KIAA0825: variants seen among roughly 807,000 people sequenced by gnomAD.
KIAA0825 encodes KIAA0825.
In KIAA0825, 119 loss-of-function variants were observed where a neutral mutation model predicts 147.6. The ratio of observed to expected loss-of-function variants is 0.81; its 90% CI spans 0.69 to 0.94. The LOEUF (loss-of-function observed/expected upper bound fraction) is 0.94. Ranked by LOEUF, KIAA0825 falls within the 40% of genes least tolerant of loss-of-function variation. The pLI is 0.00. For missense variants in KIAA0825, 1,381 were observed against 1,472.7 expected, an observed-to-expected ratio of 0.94 and a Z score of 1.02; for synonymous variants, 470 against 518.1, an observed-to-expected ratio of 0.91 and a Z score of 1.26.
intron 20 of KIAA0825, among the ~76,000 whole-genome samples, chr5:94,259,062 G>A (rs1184221199): frequency 2.0e-5 from 3 of 151,882 alleles, no homozygotes; most frequent in Non-Finnish European, 4.4e-5. Context: ...TCCCAATTTG[G>A]TCCACTCCGG....
chr5:94,590,053 A>C (rs1481280026), intron 1 of KIAA0825, among the ~76,000 whole-genome samples: 1 of 151,904 alleles, frequency 6.6e-6, no homozygotes, highest in East Asian at 1.9e-4. Context: ...GGAGTGGCGC[A>C]ATCTTGGCTC....
chr5:94,363,420 AC>A (rs569515980), intron 20 of KIAA0825, among the ~76,000 whole-genome samples: 175 of 152,236 alleles, frequency 1.1e-3, no homozygotes, highest in African/African-American at 4.0e-3. Flanking sequence ...CGGAATGAGG[AC>A]AATGTTAAGG....
At chr5:94,455,865 A>C (rs1759034610) in intron 12 of KIAA0825, among the ~76,000 whole-genome samples, 2 of 152,086 alleles carry the variant, frequency 1.3e-5, no homozygotes, top group African/African-American at 4.8e-5. Flanking sequence ...AAAAGGAGTT[A>C]CCCAAGGTTG....
chr5:94,560,245 T>C (rs575789411), intron 2 of KIAA0825, among the ~76,000 whole-genome samples: 3 of 152,326 alleles, frequency 2.0e-5, no homozygotes, highest in Non-Finnish European at 2.9e-5. Context: ...AAGGCTCTTG[T>C]ATATACACAA....
chr5:94,152,143 G>C lies in KIAA0825; in HGVS notation c.*1864C>G, dbSNP rs139829144. Among the ~76,000 whole-genome samples, 1,151 of 152,238 alleles carry C rather than the reference G, an allele frequency of 7.6e-3. 12 individuals are homozygous for C. The highest frequency in any genetic ancestry group is 0.026 in the African/African-American group (1,066 of 41,532). On this transcript the variant is annotated 3_prime_UTR_variant, in exon 21 of 21. Transcript: ENST00000682413. ...AAAAATAAAATGTGTTATTTGGCAG[G>C]CAGCTGTCTACATGGCCATTTATGT...
chr5:94,423,060 G>A (rs255174), intron 14 of KIAA0825, among the ~76,000 whole-genome samples: 1 of 152,034 alleles, frequency 6.6e-6, no homozygotes, highest in East Asian at 1.9e-4. Flanking sequence ...ACTGCAAAGG[G>A]TTGCATTCTG....
chr5:94,473,327 A>G lies in KIAA0825; in HGVS notation c.1420T>C (p.Phe474Leu), dbSNP rs1446181691. 1.3e-6 allele frequency: 2 copies of G among 1,551,732 alleles called. No individual in the cohort carries two copies. The highest frequency in any genetic ancestry group is 2.7e-5 in the African/African-American group (2 of 73,060). The change falls in exon 8 of 21, where the codon TTT becomes CTT. Residue 474 changes from phenylalanine to leucine, a missense_variant. Transcript: ENST00000682413. ...VQQVWQDSHM[F>L]PEEEQPKKIG... ...TTCTTTGGTTGTTCCTCCTCAGGAA[A>G]CATATGGCTGTCTTGCCAAACTTGC...
chr5:94,192,641 G>T (rs562116047), intron 20 of KIAA0825, among the ~76,000 whole-genome samples: 13 of 151,684 alleles, frequency 8.6e-5, no homozygotes, highest in Non-Finnish European at 2.9e-5. Flanking sequence ...CCTTACCTGC[G>T]CCAGTGGCAG....
In KIAA0825 at chr5:94,601,317, A is replaced by G. The variant is rs187971958; in HGVS notation, c.-153+17183T>C. On this transcript the variant is annotated intron_variant, in intron 1 of 20. Coordinates refer to ENST00000682413, the MANE Select transcript of KIAA0825 (RefSeq NM_001145678.3). ...AGGGACTGGAGCAGATGCCCAGCAA[A>G]CTGCAGCAGCGCTATGGGAAAGTGG... is the stretch of plus-strand genomic sequence containing the variant. Among the ~76,000 whole-genome samples, 484 of 152,280 alleles carry G rather than the reference A, an allele frequency of 3.2e-3. 3 individuals are homozygous for G. The highest frequency in any genetic ancestry group is 0.011 in the African/African-American group (447 of 41,554).
At chr5:94,615,151 A>C (rs1790095342) in intron 1 of KIAA0825, among the ~76,000 whole-genome samples, 1 of 152,162 alleles carries the variant, frequency 6.6e-6, no homozygotes, top group African/African-American at 2.4e-5. Flanking sequence ...CCAATGTGGA[A>C]GACGTGAACA....
chr5:94,546,517 CAGAGAGAG>C lies in KIAA0825; in HGVS notation c.-1-9398_-1-9391del, dbSNP rs34483380. Among the ~76,000 whole-genome samples, 248 of 149,160 alleles carry C rather than the reference CAGAGAGAG, an allele frequency of 1.7e-3. 2 individuals are homozygous for C. Among genetic ancestry groups the C allele is most frequent in the Admixed American group, 3.1e-3 (46 of 14,998 alleles). On this transcript the variant is annotated intron_variant, in intron 2 of 20. Coordinates refer to ENST00000682413, the MANE Select transcript of KIAA0825 (RefSeq NM_001145678.3). ...ACCCCCAGCTCCAGGTGGCTCAGCA[CAGAGAGAG>C]AGAGAGAGAGAGAGAGACTCAGGGT...
rs1048454466 is a variant in KIAA0825 at position 94,396,108 on chromosome 5, T to C, written c.3289A>G (p.Thr1097Ala). Residue 1097 changes from threonine to alanine, a missense_variant, in exon 17 of 21, where the codon ACT becomes GCT. Transcript: ENST00000682413. ...AGAAAAACATCACTTTACCATTCAG[T>C]GCTCAGTTTCCTTGCTTTCAACAAT... Reference protein sequence around the residue: ...RQLLKARKLSTECAFMTIEKS... With the variant: ...RQLLKARKLSAECAFMTIEKS... 3.4e-6 allele frequency: 5 copies of C among 1,475,312 alleles called. No individual in the cohort carries two copies. Among genetic ancestry groups the C allele is most frequent in the Non-Finnish European group, 4.5e-6 (5 of 1,113,572 alleles). 91.4% of individuals were successfully genotyped at this position (1,475,312 alleles called of 1,614,324 possible).
At chr5:94,421,039 G>A (rs1228568493) in intron 14 of KIAA0825, among the ~76,000 whole-genome samples, 1 of 151,984 alleles carries the variant, frequency 6.6e-6, no homozygotes, top group Admixed American at 6.6e-5. Flanking sequence ...ATGCTTTCTT[G>A]GATTCAGAGT....
At chr5:94,345,999 G>A (rs1782944591) in intron 20 of KIAA0825, among the ~76,000 whole-genome samples, 1 of 152,168 alleles carries the variant, frequency 6.6e-6, no homozygotes. Flanking sequence ...TCCATACAAT[G>A]TCTGTAATCT....
At chr5:94,473,601 C>G in intron 7 of KIAA0825, 82 bp from the exon 8 acceptor site, 3 of 876,194 alleles carry the variant, frequency 3.4e-6, no homozygotes, top group South Asian at 3.5e-5. Context: ...AAAATTATTA[C>G]TTTCATTCAA....
At position 94,537,101 on chromosome 5, in the gene KIAA0825, T is replaced by A; in HGVS notation, c.26A>T (p.His9Leu). 1 of 1,611,920 alleles carries A rather than the reference T, an allele frequency of 6.2e-7. No homozygotes were observed. The highest frequency in any genetic ancestry group is 1.7e-4 in the Middle Eastern group (1 of 6,046). Residue 9 changes from histidine to leucine, a missense_variant, in exon 3 of 21, where the codon CAT becomes CTT. By Grantham distance (99) the His-to-Leu change is moderately conservative. Coordinates refer to ENST00000682413, the MANE Select transcript of KIAA0825 (RefSeq NM_001145678.3). MDWDDEYS[H>L]NSFDLHCLLN... The stretch of plus-strand genomic sequence containing the variant: ...CAAACAATGTAGGTCAAAAGAATTA[T>A]GAGAATATTCATCATCCCAATCCAT...
At chr5:94,393,148 T>G (rs1750141729) in intron 17 of KIAA0825, among the ~76,000 whole-genome samples, 2 of 152,226 alleles carry the variant, frequency 1.3e-5, no homozygotes, top group South Asian at 2.1e-4. Context: ...CTATGATTAA[T>G]GAGTTCCTCT....
At chr5:94,170,196 G>A (rs1032372528) in intron 20 of KIAA0825, among the ~76,000 whole-genome samples, 6 of 152,150 alleles carry the variant, frequency 3.9e-5, no homozygotes, top group Admixed American at 2.6e-4. Flanking sequence ...CTACTCTGCA[G>A]GCTGAGGCAG....
Position 94,440,015 on chromosome 5 carries a change from C to T in KIAA0825, c.2464G>A (p.Gly822Arg), listed in dbSNP as rs1424514188. 2.6e-6 allele frequency: 4 copies of T among 1,551,578 alleles called. No individual in the cohort carries two copies. The highest frequency in any genetic ancestry group is 2.4e-5 in the South Asian group (2 of 84,048). ...TTCAGCAAGATTCTCAGTAAAAGTC[C>T]ATCATGATGCAGTAGGGTTTCCAGA... ...LLLETLLHHDGLLLRILLKSS... is the reference protein window; with the variant it reads ...LLLETLLHHDRLLLRILLKSS... The change falls in exon 14 of 21, where the codon GGA becomes AGA. Residue 822 changes from glycine to arginine, a missense_variant. Physicochemically the swap from Gly to Arg is moderately radical, Grantham distance 125. Transcript: ENST00000682413.
Sources: allele counts gnomAD v4.1 joint callset (sites outside exome capture counted in the v4.1 genomes callset), GRCh38; gene constraint gnomAD v4.1.1; transcripts MANE v1.5; gene names NCBI Gene and HGNC (gene_info 2026-07-23, HGNC 2026-07-21).